Variants in POLQ observed in about 807,000 individuals in gnomAD.
POLQ encodes the protein epididymis secretory sperm binding protein.
A neutral mutation model predicts 259.2 loss-of-function variants in POLQ; 233 were observed. That is an observed-to-expected ratio of 0.90 (90% CI 0.81 to 1.00). POLQ has a LOEUF of 1.00. POLQ is among the 50% of genes least tolerant of loss of function. The pLI is 0.00. For synonymous variants in POLQ, 1,025 were observed against 1,048.8 expected (o/e 0.98, Z 0.44); for missense variants, 2,871 against 3,051.6 (o/e 0.94, Z 1.39).
intron 2 of POLQ, among the ~76,000 whole-genome samples, chr3:121,543,355 G>A (rs1359052425): frequency 1.3e-5 from 2 of 152,152 alleles, no homozygotes; most frequent in African/African-American, 4.8e-5. Flanking sequence ...ACTGTTCTGA[G>A]CTTTTATATA....
chr3:121,461,544 G>A (rs1453693921), intron 24 of POLQ, among the ~76,000 whole-genome samples: 1 of 151,838 alleles, frequency 6.6e-6, no homozygotes, highest in African/African-American at 2.4e-5. Flanking sequence ...CCAGCTAGTC[G>A]GGAGGCTGAC....
At chr3:121,535,580 G>T (rs904688069) in intron 5 of POLQ, among the ~76,000 whole-genome samples, 12 of 151,936 alleles carry the variant, frequency 7.9e-5, no homozygotes, top group Non-Finnish European at 1.5e-4. Context: ...GCTGGGTGTG[G>T]TGGCAGGCGC....
chr3:121,480,177 AATATAT>A (rs898566929), intron 19 of POLQ, among the ~76,000 whole-genome samples: 16 of 151,456 alleles, frequency 1.1e-4, no homozygotes, highest in Admixed American at 9.2e-4. Flanking sequence ...TTGGAAAAAA[AATATAT>A]ATATATAGCT....
At chr3:121,450,467 T>C (rs550351895) in intron 25 of POLQ, among the ~76,000 whole-genome samples, 27 of 152,080 alleles carry the variant, frequency 1.8e-4, no homozygotes, top group African/African-American at 3.9e-4. Flanking sequence ...TGTGCTGCAC[T>C]CATTAACTCG....
intron 15 of POLQ, among the ~76,000 whole-genome samples, chr3:121,491,987 G>GT (rs1351895222): frequency 3.3e-5 from 5 of 152,134 alleles, no homozygotes; most frequent in Non-Finnish European, 5.9e-5. Context: ...GAATCTAATT[G>GT]TTTTGTTTCA....
intron 12 of POLQ, among the ~76,000 whole-genome samples, chr3:121,508,074 G>A (rs2048224670): frequency 7.2e-6 from 1 of 138,942 alleles, no homozygotes; most frequent in South Asian, 2.2e-4. Flanking sequence ...TTCCCATGCT[G>A]GTCTCAAATT....
intron 17 of POLQ, 93 bp from the exon 18 acceptor site, chr3:121,483,675 A>G (rs2047988752): frequency 1.1e-6 from 1 of 915,106 alleles, no homozygotes; most frequent in Non-Finnish European, 1.6e-6. Flanking sequence ...AAAGACTGAA[A>G]AAGACTCAGA....
In POLQ at chr3:121,488,668, T is replaced by C. The variant is rs757226453; in HGVS notation, c.4263A>G (p.Ile1421Met). ...AAAAAAGACCATTTTCCTCCAATAG[T>C]ATTGGAGAATGGAAAATCGGGCTTT... Reference protein sequence around the residue: ...TPESPIFHSPILLEENGLFLK... With the variant: ...TPESPIFHSPMLLEENGLFLK... The change falls in exon 16 of 30, where the codon ATA becomes ATG. Residue 1421 changes from isoleucine to methionine, a missense_variant. Coordinates refer to ENST00000264233, the MANE Select transcript of POLQ (RefSeq NM_199420.4). 6 of 1,591,372 alleles carry C rather than the reference T, an allele frequency of 3.8e-6. No individual in the cohort carries two copies. In the East Asian group the frequency reaches 6.7e-5, roughly 18 times the overall value.
At chr3:121,476,462 AC>A in intron 20 of POLQ, 77 bp downstream of exon 20, 11 of 931,546 alleles carry the variant, frequency 1.2e-5, no homozygotes, top group Non-Finnish European at 1.7e-5. Context: ...AAATACACAC[AC>A]ACACACACAC....
At chr3:121,533,601 C>T (rs1225402) in intron 5 of POLQ, among the ~76,000 whole-genome samples, 15 of 152,180 alleles carry the variant, frequency 9.9e-5, no homozygotes, top group African/African-American at 2.7e-4. Context: ...CTGCAACCTC[C>T]GCCTCCCAGG....
intron 7 of POLQ, among the ~76,000 whole-genome samples, chr3:121,525,792 A>G (rs1327204529): frequency 6.6e-6 from 1 of 151,848 alleles, no homozygotes; most frequent in Non-Finnish European, 1.5e-5. Context: ...GTTTGGAAGC[A>G]CTCATTTCCT....
In POLQ at chr3:121,539,491, A is replaced by T; in HGVS notation, c.573T>A (p.Ile191=). ...GATTGATCAGACCATTGGCTCTCTC[A>T]ATTGTGCAGACTGCAATATCCAATG... ...FSSLDIAVCT[I]ERANGLINRL... Residue 191 remains isoleucine (I), a synonymous_variant, in exon 4 of 30, where the codon ATT becomes ATA. Transcript: ENST00000264233. The T allele has an allele frequency of 6.2e-7, 1 of 1,613,442 alleles. No individual in the cohort carries two copies. Among genetic ancestry groups the T allele is most frequent in the East Asian group, 2.2e-5 (1 of 44,866 alleles).
chr3:121,524,983 AAAC>A (rs1357546982), intron 7 of POLQ, among the ~76,000 whole-genome samples: 2 of 151,966 alleles, frequency 1.3e-5, no homozygotes, highest in Non-Finnish European at 2.9e-5. Context: ...GTTGACTGTC[AAAC>A]AACACAGGAG....
At position 121,452,960 on chromosome 3, in the gene POLQ, C is replaced by G. The variant is rs188932644; in HGVS notation, c.7153-3534G>C. On this transcript the variant is annotated intron_variant, in intron 25 of 29. Coordinates refer to ENST00000264233, the MANE Select transcript of POLQ (RefSeq NM_199420.4). Reference sequence around the variant, plus strand: ...CTCAAGTGGGTCCCTGACCCTTGACCCCCGAGCAGCCTAACTGGGAGGCAC... The same window carrying G: ...CTCAAGTGGGTCCCTGACCCTTGACGCCCGAGCAGCCTAACTGGGAGGCAC... Among the ~76,000 whole-genome samples the G allele has an allele frequency of 2.0e-5, 3 of 152,310 alleles. No homozygotes were observed. In the South Asian group the frequency reaches 6.2e-4, roughly 32 times the overall value.
At chr3:121,521,865 C>G (rs988663363) in intron 8 of POLQ, 138 bp downstream of exon 8, 4 of 585,828 alleles carry the variant, frequency 6.8e-6, no homozygotes, top group Non-Finnish European at 1.1e-5. Flanking sequence ...GCCACCACGC[C>G]CAGCCCACAC....
At position 121,490,539 on chromosome 3, in the gene POLQ, G is replaced by A. The variant is rs958855101; in HGVS notation, c.2523-131C>T. The A allele has an allele frequency of 1.9e-5, 14 of 719,390 alleles. No individual in the cohort carries two copies. The African/African-American group carries it at 2.1e-4, about 11-fold the overall frequency. 44.6% of individuals were successfully genotyped at this position (719,390 alleles called of 1,614,324 possible). ...ATGAAGAAGAGAGAGAAATGTATCTGCTCTCATGGCACATTCTAGCTGGGG... is the reference window on the plus strand; with the variant it reads ...ATGAAGAAGAGAGAGAAATGTATCTACTCTCATGGCACATTCTAGCTGGGG... On this transcript the variant is annotated intron_variant, in intron 15 of 29. Coordinates refer to ENST00000264233, the MANE Select transcript of POLQ (RefSeq NM_199420.4).
chr3:121,510,442 T>C (rs992180294), intron 10 of POLQ, among the ~76,000 whole-genome samples, 199 bp from the exon 11 acceptor site: 1 of 151,846 alleles, frequency 6.6e-6, no homozygotes, highest in Non-Finnish European at 1.5e-5. Flanking sequence ...GCCAGGCTGG[T>C]GGCAGGCGCC....
At chr3:121,440,767 T>C (rs2047585140) in intron 26 of POLQ, among the ~76,000 whole-genome samples, 1 of 152,192 alleles carries the variant, frequency 6.6e-6, no homozygotes, top group South Asian at 2.1e-4. Flanking sequence ...CTGTTGATTG[T>C]GTGAATCCCC....
intron 15 of POLQ, among the ~76,000 whole-genome samples, chr3:121,492,880 TCAAA>T (rs2108800329): frequency 6.7e-6 from 1 of 149,846 alleles, no homozygotes; most frequent in East Asian, 2.0e-4. Flanking sequence ...ACTCCTAAGC[TCAAA>T]CAATCAGCCT....
Sources: allele counts gnomAD v4.1 joint callset (sites outside exome capture counted in the v4.1 genomes callset), GRCh38; gene constraint gnomAD v4.1.1; transcripts MANE v1.5; gene names NCBI Gene and HGNC (gene_info 2026-07-23, HGNC 2026-07-21).